Variants in MYO7A observed in about 807,000 individuals in gnomAD.
The protein encoded by MYO7A is myosin VIIA.
In MYO7A, 210 loss-of-function variants were observed where a neutral mutation model predicts 263.8. That is an observed-to-expected ratio of 0.80 (90% CI 0.71 to 0.89). MYO7A has a LOEUF of 0.89. Among genes scored for constraint, MYO7A ranks in the 40% least tolerant of loss-of-function variants. MYO7A has a pLI of 0.00. For synonymous variants in MYO7A, 1,239 were observed against 1,197.3 expected, an observed-to-expected ratio of 1.03 and a Z score of -0.72; for missense variants, 2,820 against 2,968.3, an observed-to-expected ratio of 0.95 and a Z score of 1.16.
At chr11:77,141,878 G>A (rs1385824714) in intron 2 of MYO7A, among the ~76,000 whole-genome samples, 1 of 152,240 alleles carries the variant, frequency 6.6e-6, no homozygotes, top group East Asian at 1.9e-4. Flanking sequence ...AGTATCCAAA[G>A]TGATCGTGCT....
At chr11:77,197,171 T>A (rs1956724261) in intron 32 of MYO7A, among the ~76,000 whole-genome samples, 1 of 152,224 alleles carries the variant, frequency 6.6e-6, no homozygotes, top group African/African-American at 2.4e-5. Context: ...GCCTCCCACA[T>A]GCTCTGCCTG....
At chr11:77,143,849 G>C (rs1221714130) in intron 3 of MYO7A, among the ~76,000 whole-genome samples, 1 of 152,144 alleles carries the variant, frequency 6.6e-6, no homozygotes. Context: ...CGACGGGAGG[G>C]CTCAGGACCC....
In MYO7A at chr11:77,193,247, TTAGTGA is replaced by T. The variant is rs1020511146; in HGVS notation, c.4152+971_4152+976del. ...GGTAATATTGGAGGTAGGGATGATG[TTAGTGA>T]TGGTGGTGGTGGTGGTGATGGTGGA... On this transcript the variant is annotated intron_variant, in intron 31 of 48. Coordinates refer to ENST00000409709, the MANE Select transcript of MYO7A (RefSeq NM_000260.4). Among the ~76,000 whole-genome samples the T allele has an allele frequency of 1.0e-3, 108 of 105,454 alleles. 1 individual carries two copies. The South Asian group carries it at 0.032, about 31-fold the overall frequency. 69.2% of individuals were successfully genotyped at this position (105,454 alleles called of 152,430 possible).
intron 2 of MYO7A, among the ~76,000 whole-genome samples, chr11:77,136,373 G>A (rs1950903464): frequency 6.6e-6 from 1 of 152,140 alleles, no homozygotes; most frequent in South Asian, 2.1e-4. Flanking sequence ...GCTCAAGGGT[G>A]GTCTCAGTAG....
At chr11:77,180,188 C>T (rs1555083195) in intron 21 of MYO7A, among the ~76,000 whole-genome samples, 186 bp from the exon 22 acceptor site, 3 of 152,162 alleles carry the variant, frequency 2.0e-5, no homozygotes, top group Non-Finnish European at 2.9e-5. Context: ...CAGATCTGGC[C>T]GGGCTTTAGG....
At chr11:77,178,516 C>T (rs569840448) in intron 19 of MYO7A, among the ~76,000 whole-genome samples, 5 of 152,260 alleles carry the variant, frequency 3.3e-5, no homozygotes, top group South Asian at 2.1e-4. Context: ...ACCCATCCTT[C>T]GCTCTTCCTT....
chr11:77,156,638 C>G (rs375971363), intron 5 of MYO7A, 22 bp from the exon 6 acceptor site: 2 of 1,612,048 alleles, frequency 1.2e-6, no homozygotes, highest in Non-Finnish European at 1.7e-6. Context: ...GTGACAGGTC[C>G]TGCCACTCCC....
rs1956122713 is a variant in MYO7A at position 77,192,051 on chromosome 11, G to A, written c.3925G>A (p.Val1309Met). The A allele has an allele frequency of 6.2e-7, 1 of 1,612,066 alleles. No homozygotes were observed. The highest frequency in any genetic ancestry group is 8.5e-7 in the Non-Finnish European group (1 of 1,179,290). ...FSLYIALFDK[V>M]SSLGSGSDHV... ...GCTCCCCTCCCCTCTGTGCCCACAGGTGTCCTCCCTGGGCAGCGGCAGTGA... is the reference window on the plus strand; with the variant it reads ...GCTCCCCTCCCCTCTGTGCCCACAGATGTCCTCCCTGGGCAGCGGCAGTGA... Residue 1309 changes from valine (V) to methionine (M), a missense_variant and splice_region_variant, in exon 31 of 49, where the codon GTG becomes ATG. Transcript: ENST00000409709.
chr11:77,181,769 TTTTTTTTTTG>T (rs1565411526), intron 23 of MYO7A, among the ~76,000 whole-genome samples, 172 bp from the exon 24 acceptor site: 15 of 35,582 alleles, frequency 4.2e-4, no homozygotes, highest in African/African-American at 2.1e-3. Flanking sequence ...CTTCTCAAGT[TTTTTTTTTTG>T]TTTTTTTTTT....
chr11:77,155,788 G>A lies in MYO7A; in HGVS notation c.286-119G>A, dbSNP rs1952403940. The A allele has an allele frequency of 3.5e-6, 4 of 1,145,718 alleles. No homozygotes were observed. The African/African-American group carries it at 6.3e-5, about 18-fold the overall frequency. The allele number at this position is 1,145,718 out of a possible 1,614,324, so 71.0% of individuals were successfully genotyped here. ...ATTCTGGCTCCAGGTCCACCCACAT[G>A]ACTCCAAAGCCAGGACTCTTCCCTC... On this transcript the variant is annotated intron_variant, in intron 4 of 48. Transcript: ENST00000409709.
chr11:77,136,321 T>G (rs1950901448), intron 2 of MYO7A, among the ~76,000 whole-genome samples: 2 of 152,176 alleles, frequency 1.3e-5, no homozygotes, highest in East Asian at 3.9e-4. Flanking sequence ...CTTTCAAGAG[T>G]CTCTGTCTTT....
chr11:77,206,265 A>C (rs1195750686), intron 41 of MYO7A, 63 bp downstream of exon 41: 1 of 1,318,172 alleles, frequency 7.6e-7, no homozygotes, highest in Non-Finnish European at 1.1e-6. Flanking sequence ...CTGGGTGGAC[A>C]CCAAAGGTGG....
intron 4 of MYO7A, among the ~76,000 whole-genome samples, 155 bp downstream of exon 4, chr11:77,148,105 C>T (rs563244883): frequency 6.9e-4 from 105 of 152,270 alleles, no homozygotes; most frequent in African/African-American, 2.4e-3. Flanking sequence ...GGGGCCCCTG[C>T]TGGGGCCCAT....
In MYO7A at chr11:77,134,724, AT is replaced by A. The variant is rs200020941; in HGVS notation, c.18+4081del. ...TTTGCATCACTGTCTACTGTACTCT[AT>A]TTTTTTTTCCAATTTTGTATTTTTT... On this transcript the variant is annotated intron_variant, in intron 2 of 48. Transcript: ENST00000409709. 1.2e-4 allele frequency among the ~76,000 whole-genome samples: 16 copies of A among 133,324 alleles called. No homozygotes were observed. In the East Asian group the frequency reaches 1.5e-3, roughly 13 times the overall value. The allele number at this position is 133,324 out of a possible 152,430, so 87.5% of individuals were successfully genotyped here. A position where few individuals can be genotyped will look rare whatever the true frequency, so the allele number is the denominator to read the frequency against.
intron 33 of MYO7A, 93 bp from the exon 34 acceptor site, chr11:77,198,402 A>G: frequency 6.7e-7 from 1 of 1,492,128 alleles, no homozygotes; most frequent in Non-Finnish European, 9.1e-7. Context: ...AATAGAAATC[A>G]GTGTATTGCC....
At chr11:77,165,047 G>C (rs782780687) in intron 14 of MYO7A, among the ~76,000 whole-genome samples, 1 of 152,228 alleles carries the variant, frequency 6.6e-6, no homozygotes, top group Non-Finnish European at 1.5e-5. Flanking sequence ...CCATCCAACA[G>C]TTAAGGAAAC....
intron 12 of MYO7A, 46 bp from the exon 13 acceptor site, chr11:77,162,074 G>A: frequency 6.5e-7 from 1 of 1,529,982 alleles, no homozygotes; most frequent in Non-Finnish European, 8.9e-7. Context: ...TGAACAGCAT[G>A]GTGGGGCCTG....
intron 46 of MYO7A, chr11:77,212,415 T>G: frequency 2.8e-6 from 1 of 355,086 alleles, no homozygotes; most frequent in Non-Finnish European, 5.5e-6. Context: ...GAGTGGGCTG[T>G]GGAGAGCAGC....
chr11:77,197,287 G>A (rs550545071), intron 32 of MYO7A, among the ~76,000 whole-genome samples, 194 bp from the exon 33 acceptor site: 3 of 152,366 alleles, frequency 2.0e-5, no homozygotes, highest in Admixed American at 6.5e-5. Flanking sequence ...GCACTCAAAA[G>A]TGCTCGCCGA....
Sources: gnomAD v4.1 joint callset for allele counts (sites outside exome capture counted in the v4.1 genomes callset) on GRCh38, gnomAD v4.1.1 for gene constraint, MANE v1.5 for transcripts, NCBI Gene and HGNC (gene_info 2026-07-23, HGNC 2026-07-21) for gene names.